Variants in CACNB2 observed in about 807,000 individuals in gnomAD.
The protein encoded by CACNB2 is voltage-dependent L-type calcium channel subunit beta-2.
CACNB2 carries 42 observed loss-of-function variants against 73.3 expected under a neutral mutation model. The observed-to-expected ratio is 0.57, with a 90% CI of 0.45 to 0.74. The LOEUF (loss-of-function observed/expected upper bound fraction) is 0.74, where lower values mean the gene tolerates loss of function less well. Ranked by LOEUF, CACNB2 falls within the 30% of genes least tolerant of loss-of-function variation. CACNB2 has a pLI of 0.00. For synonymous variants in CACNB2, 348 were observed against 310.3 expected, an observed-to-expected ratio of 1.12 and a Z score of -1.28; for missense variants, 940 against 853.0, an observed-to-expected ratio of 1.10 and a Z score of -1.27.
Position 18,539,497 on chromosome 10 carries a change from C to T in CACNB2, c.1756C>T (p.Arg586Cys), listed in dbSNP as rs778198130. Reference protein sequence around the residue: ...HDHVDHYASHRDHNHRDETHG... With the variant: ...HDHVDHYASHCDHNHRDETHG... ...CCACGTGGACCACTATGCCTCACAC[C>T]GTGACCACAACCACAGAGACGAGAC... The change falls in exon 14 of 14, where the codon CGT becomes TGT. Residue 586 changes from arginine (R) to cysteine (C), a missense_variant. Transcript: ENST00000324631. 8 of 1,613,968 alleles carry T rather than the reference C, an allele frequency of 5.0e-6. No homozygotes were observed. The highest frequency in any genetic ancestry group is 1.1e-5 in the South Asian group (1 of 91,046).
At chr10:18,420,162 AC>A (rs945516929) in intron 3 of CACNB2, among the ~76,000 whole-genome samples, 4 of 152,182 alleles carry the variant, frequency 2.6e-5, no homozygotes, top group Admixed American at 6.5e-5. Flanking sequence ...CATAGCCAAA[AC>A]TTGAATGTTT....
intron 3 of CACNB2, among the ~76,000 whole-genome samples, chr10:18,455,766 T>C (rs2047247058): frequency 6.6e-6 from 1 of 152,218 alleles, no homozygotes; most frequent in Non-Finnish European, 1.5e-5. Flanking sequence ...TGGATTCTGC[T>C]TTAGTATGAT....
intron 2 of CACNB2, among the ~76,000 whole-genome samples, chr10:18,302,312 G>A (rs1462970358): frequency 2.0e-5 from 3 of 152,264 alleles, no homozygotes; most frequent in African/African-American, 7.2e-5. Flanking sequence ...CTTCCAAGCT[G>A]CTTGCAGATC....
intron 3 of CACNB2, among the ~76,000 whole-genome samples, chr10:18,442,763 T>G (rs1452263061): frequency 6.6e-6 from 1 of 150,408 alleles, no homozygotes; most frequent in Non-Finnish European, 1.5e-5. Context: ...CATCGGAGGT[T>G]GCAGTGAGCC....
chr10:18,337,360 C>A (rs1379015503), intron 2 of CACNB2, among the ~76,000 whole-genome samples: 1 of 152,172 alleles, frequency 6.6e-6, no homozygotes, highest in Non-Finnish European at 1.5e-5. Context: ...TCTCAGCCTC[C>A]CAAAGTGCTG....
chr10:18,282,287 C>T (rs2038586873), intron 2 of CACNB2, among the ~76,000 whole-genome samples: 1 of 152,160 alleles, frequency 6.6e-6, no homozygotes. Flanking sequence ...ACAGAGGACA[C>T]TGCAGCTGTG....
intron 3 of CACNB2, among the ~76,000 whole-genome samples, chr10:18,430,659 T>C (rs2045846540): frequency 6.6e-6 from 1 of 152,130 alleles, no homozygotes; most frequent in African/African-American, 2.4e-5. Flanking sequence ...AGTAAAGTTA[T>C]CTCATTACAG....
chr10:18,538,107 T>A, intron 12 of CACNB2, 73 bp from the exon 13 acceptor site: 13 of 1,421,538 alleles, frequency 9.1e-6, no homozygotes, highest in Non-Finnish European at 1.2e-5. Context: ...AGCCCCTTCC[T>A]CCTCTTATGG....
intron 2 of CACNB2, among the ~76,000 whole-genome samples, chr10:18,232,396 C>T (rs1159969576): frequency 6.6e-6 from 1 of 152,150 alleles, no homozygotes; most frequent in Non-Finnish European, 1.5e-5. Flanking sequence ...CCGGGCTCCA[C>T]AGGTCACAGG....
At position 18,312,848 on chromosome 10, in the gene CACNB2, C is replaced by A. The variant is rs189684952; in HGVS notation, c.214-89076C>A. Reference sequence around the variant, plus strand: ...TCAAATGGCATCCAGAGTTTTAGTGCGTTCTCCTGACATTGACTTTTTTAG... The same window carrying A: ...TCAAATGGCATCCAGAGTTTTAGTGAGTTCTCCTGACATTGACTTTTTTAG... On this transcript the variant is annotated intron_variant, in intron 2 of 13. Coordinates refer to ENST00000324631, the MANE Select transcript of CACNB2 (RefSeq NM_201596.3). 1.3e-3 allele frequency among the ~76,000 whole-genome samples: 196 copies of A among 152,242 alleles called. 1 individual carries two copies. Among genetic ancestry groups the A allele is most frequent in the African/African-American group, 4.4e-3 (184 of 41,538 alleles).
At chr10:18,162,106 T>C (rs2131097291) in intron 2 of CACNB2, among the ~76,000 whole-genome samples, 1 of 152,296 alleles carries the variant, frequency 6.6e-6, no homozygotes, top group East Asian at 1.9e-4. Flanking sequence ...CAAGGCTATA[T>C]TTTACAATGT....
intron 2 of CACNB2, among the ~76,000 whole-genome samples, chr10:18,168,244 C>A (rs1421123589): frequency 2.0e-5 from 3 of 152,022 alleles, no homozygotes; most frequent in Non-Finnish European, 4.4e-5. Context: ...TATGATCAAA[C>A]CTGGGCAACA....
At chr10:18,290,835 C>A (rs866213076) in intron 2 of CACNB2, among the ~76,000 whole-genome samples, 5 of 152,210 alleles carry the variant, frequency 3.3e-5, no homozygotes, top group African/African-American at 1.2e-4. Context: ...CTGATAGTAG[C>A]AAAATTTAGC....
chr10:18,390,782 T>G (rs1001380406), intron 2 of CACNB2, among the ~76,000 whole-genome samples: 2 of 152,242 alleles, frequency 1.3e-5, no homozygotes, highest in African/African-American at 4.8e-5. Flanking sequence ...ACACAATATG[T>G]TATATTTACA....
rs768160446 is a variant in CACNB2 at position 18,495,591 on chromosome 10, G to GTGTGTGTGTA, written c.334-2763_334-2762insGTGTGTGTAT. 5.0e-3 allele frequency among the ~76,000 whole-genome samples: 693 copies of GTGTGTGTGTA among 138,694 alleles called. 8 individuals carry two copies. The highest frequency in any genetic ancestry group is 6.3e-3 in the Non-Finnish European group (405 of 63,886). The allele number at this position is 138,694 out of a possible 152,430, so 91.0% of individuals were successfully genotyped here. ...TGTGTGTGTGTGTGTGTGTGTGTGT[G>GTGTGTGTGTA]TATAAGAGATGAGGTCTCACTTTGT... On this transcript the variant is annotated intron_variant, in intron 3 of 13. Transcript: ENST00000324631.
chr10:18,306,577 A>G lies in CACNB2; in HGVS notation c.214-95347A>G, dbSNP rs557301402. 2.6e-5 allele frequency among the ~76,000 whole-genome samples: 4 copies of G among 152,352 alleles called. No homozygotes were observed. The South Asian group carries it at 8.3e-4, about 32-fold the overall frequency. ...AGTCTATTGTAAAATAATCATAAGC[A>G]TTACGGTGGGGTCAGGGTGAAACTG... On this transcript the variant is annotated intron_variant, in intron 2 of 13. Transcript: ENST00000324631.
intron 2 of CACNB2, among the ~76,000 whole-genome samples, chr10:18,325,380 A>G (rs1198966644): frequency 6.6e-6 from 1 of 151,338 alleles, no homozygotes; most frequent in African/African-American, 2.4e-5. Context: ...TTTTTTGTAG[A>G]GATAGTGTCT....
At chr10:18,264,061 G>T (rs183172746) in intron 2 of CACNB2, among the ~76,000 whole-genome samples, 1 of 152,154 alleles carries the variant, frequency 6.6e-6, no homozygotes, top group Non-Finnish European at 1.5e-5. Flanking sequence ...AATTTAAAAG[G>T]ATATATAAAC....
chr10:18,241,413 A>T (rs1245157013), intron 2 of CACNB2, among the ~76,000 whole-genome samples: 1 of 152,202 alleles, frequency 6.6e-6, no homozygotes, highest in African/African-American at 2.4e-5. Flanking sequence ...GGGAGGGAAC[A>T]TCACACACTG....
Sources: allele counts gnomAD v4.1 joint callset (sites outside exome capture counted in the v4.1 genomes callset), GRCh38; gene constraint gnomAD v4.1.1; transcripts MANE v1.5; gene names NCBI Gene and HGNC (gene_info 2026-07-23, HGNC 2026-07-21).